Variants in ARHGEF10 observed in about 807,000 individuals in gnomAD.
ARHGEF10 encodes Rho guanine nucleotide exchange factor 10, also known as Rho guanine nucleotide exchange factor (GEF) 10.
Under a neutral mutation model 147.4 loss-of-function variants are expected in ARHGEF10, and 140 were observed. The observed-to-expected ratio is 0.95, with a 90% CI of 0.83 to 1.09. The LOEUF is 1.09. Ranked by LOEUF, ARHGEF10 falls within the 50% of genes least tolerant of loss-of-function variation. The pLI, the probability that ARHGEF10 is intolerant of heterozygous loss-of-function variation, is 0.00. For missense variants in ARHGEF10, 2,222 were observed against 1,752.7 expected, an observed-to-expected ratio of 1.27 and a Z score of -4.78; for synonymous variants, 902 against 695.8, an observed-to-expected ratio of 1.30 and a Z score of -4.67.
chr8:1,920,757 A>C (rs1488973710), intron 18 of ARHGEF10, among the ~76,000 whole-genome samples: 1 of 151,594 alleles, frequency 6.6e-6, no homozygotes, highest in African/African-American at 2.4e-5. Context: ...GCGATGTGTA[A>C]CTACTGGATC....
intron 2 of ARHGEF10, among the ~76,000 whole-genome samples, chr8:1,847,024 G>A (rs959278647): frequency 6.6e-6 from 1 of 152,216 alleles, no homozygotes; most frequent in African/African-American, 2.4e-5. Flanking sequence ...GTGTGTTCCA[G>A]TGGAATCATT....
chr8:1,903,452 G>C lies in ARHGEF10; in HGVS notation c.1821+1G>C. On this transcript the variant is annotated splice_donor_variant, in intron 16 of 28. Coordinates refer to ENST00000349830, the MANE Select transcript of ARHGEF10 (RefSeq NM_014629.4). LOFTEE classifies it high-confidence loss of function. ...CATAAACGAAAGATACCTGAACAAG[G>C]TTGAGAGAGGTTTTCTTCAACTCTA... The C allele has an allele frequency of 6.2e-7, 1 of 1,614,044 alleles. No homozygotes were observed. Among genetic ancestry groups the C allele is most frequent in the Non-Finnish European group, 8.5e-7 (1 of 1,180,050 alleles).
chr8:1,872,202 A>T (rs146037116), intron 7 of ARHGEF10, among the ~76,000 whole-genome samples: 77 of 152,354 alleles, frequency 5.1e-4, no homozygotes, highest in African/African-American at 1.7e-3. Context: ...AATTGCCTTG[A>T]AGAATCAACT....
rs1256767943 is a variant in ARHGEF10 at position 1,905,651 on chromosome 8, T to G, written c.1902T>G (p.Val634=). Residue 634 remains valine, a synonymous_variant, in exon 17 of 29, where the codon GTT becomes GTG. Transcript: ENST00000349830. ...TTTACAACGACAGAGGAGAGATTGTTAAAACCAAAGAACGCCGAGTCTTCA... is the reference window on the plus strand; with the variant it reads ...TTTACAACGACAGAGGAGAGATTGTGAAAACCAAAGAACGCCGAGTCTTCA... The part of the protein sequence containing the change: ...ETVYNDRGEI[V]KTKERRVFML... 6.2e-7 allele frequency: 1 copy of G among 1,614,116 alleles called. No individual in the cohort carries two copies.
At chr8:1,899,733 G>A (rs1664477506) in intron 15 of ARHGEF10, among the ~76,000 whole-genome samples, 1 of 152,180 alleles carries the variant, frequency 6.6e-6, no homozygotes. Context: ...TTCAAAGTGT[G>A]TTTTATTTCT....
Position 1,860,015 on chromosome 8 carries a change from G to A in ARHGEF10, c.312G>A (p.Gln104=). 1 of 1,614,138 alleles carries A rather than the reference G, an allele frequency of 6.2e-7. No individual in the cohort carries two copies. Among genetic ancestry groups the A allele is most frequent in the South Asian group, 1.1e-5 (1 of 91,086 alleles). ...VIDITPFQED[Q]PPTPVPSAEE... is the part of the protein sequence containing the mutation. The stretch of plus-strand genomic sequence containing the variant: ...ACATCACGCCATTCCAGGAGGACCA[G>A]CCGCCCACCCCCGTGCCCAGCGCTG... Residue 104 remains glutamine (Q), a synonymous_variant, in exon 4 of 29, where the codon CAG becomes CAA. Transcript: ENST00000349830.
In ARHGEF10 at chr8:1,928,524, T is replaced by C; in HGVS notation, c.2795T>C (p.Ile932Thr). 1 of 1,614,220 alleles carries C rather than the reference T, an allele frequency of 6.2e-7. No individual in the cohort carries two copies. The highest frequency in any genetic ancestry group is 8.5e-7 in the Non-Finnish European group (1 of 1,180,038). ...VIECFNVESRILCMLYVPVEE... is the reference protein window; with the variant it reads ...VIECFNVESRTLCMLYVPVEE... ...GAGTGCTTCAACGTGGAATCTCGCA[T>C]CCTGTGCATGCTGTACGTTCCCGTC... The change falls in exon 24 of 29, where the codon ATC (isoleucine) becomes ACC (threonine). Residue 932 changes from isoleucine (I) to threonine (T), a missense_variant. Ile to Thr is a moderately conservative substitution (Grantham distance 89). Transcript: ENST00000349830.
intron 26 of ARHGEF10, among the ~76,000 whole-genome samples, chr8:1,939,945 G>A (rs1813946058): frequency 6.6e-6 from 1 of 152,220 alleles, no homozygotes; most frequent in Non-Finnish European, 1.5e-5. Context: ...AGACGGTGCT[G>A]AGCCATTGAA....
intron 15 of ARHGEF10, among the ~76,000 whole-genome samples, chr8:1,900,077 GA>G (rs1270251236): frequency 2.0e-5 from 3 of 152,198 alleles, no homozygotes; most frequent in Non-Finnish European, 4.4e-5. Context: ...TGATTTATCA[GA>G]ATACTTTCTA....
intron 18 of ARHGEF10, among the ~76,000 whole-genome samples, chr8:1,918,158 C>G (rs769023170): frequency 2.2e-4 from 34 of 152,168 alleles, no homozygotes; most frequent in Admixed American, 4.6e-4. Context: ...CTGAGAATCA[C>G]ATTTGAAAAG....
intron 1 of ARHGEF10, among the ~76,000 whole-genome samples, chr8:1,826,956 T>C (rs1191062850): frequency 6.6e-6 from 1 of 152,228 alleles, no homozygotes; most frequent in African/African-American, 2.4e-5. Flanking sequence ...AGTGTAATTT[T>C]GGAAGGTTCT....
intron 1 of ARHGEF10, among the ~76,000 whole-genome samples, chr8:1,830,160 C>T (rs1490314359): frequency 6.6e-6 from 1 of 152,202 alleles, no homozygotes; most frequent in Non-Finnish European, 1.5e-5. Flanking sequence ...GAGTATCAGA[C>T]GAAGGCAGGG....
At chr8:1,950,119 C>A (rs915188934) in intron 27 of ARHGEF10, among the ~76,000 whole-genome samples, 1 of 152,180 alleles carries the variant, frequency 6.6e-6, no homozygotes, top group Admixed American at 6.5e-5. Context: ...AACCCATTTA[C>A]CAACCTCACT....
At chr8:1,910,677 A>T (rs775714219) in intron 18 of ARHGEF10, among the ~76,000 whole-genome samples, 6 of 152,340 alleles carry the variant, frequency 3.9e-5, no homozygotes, top group Middle Eastern at 3.4e-3. Flanking sequence ...TTAACATTTT[A>T]TTCAAGAGCA....
chr8:1,828,910 A>G (rs1451450669), intron 1 of ARHGEF10, among the ~76,000 whole-genome samples: 1 of 152,062 alleles, frequency 6.6e-6, no homozygotes, highest in African/African-American at 2.4e-5. Flanking sequence ...TTCTGAAAGG[A>G]AAATAAAGCA....
chr8:1,883,605 C>T (rs561023267), intron 10 of ARHGEF10, among the ~76,000 whole-genome samples: 5 of 152,288 alleles, frequency 3.3e-5, no homozygotes, highest in African/African-American at 1.2e-4. Flanking sequence ...CCTAATGAAG[C>T]CCTCGGCATC....
At chr8:1,878,391 T>C (rs1360259867) in intron 8 of ARHGEF10, among the ~76,000 whole-genome samples, 1 of 152,134 alleles carries the variant, frequency 6.6e-6, no homozygotes, top group East Asian at 1.9e-4. Flanking sequence ...TTCACCATAT[T>C]GGCCAGGCTG....
At chr8:1,916,863 G>A (rs902335133) in intron 18 of ARHGEF10, among the ~76,000 whole-genome samples, 3 of 152,222 alleles carry the variant, frequency 2.0e-5, no homozygotes, top group African/African-American at 7.2e-5. Context: ...TCTGGAGACT[G>A]TATTAACACA....
In ARHGEF10 at chr8:1,858,092, C is replaced by A. The variant is rs1191058925; in HGVS notation, c.170C>A (p.Ala57Asp). The A allele has an allele frequency of 1.9e-6, 3 of 1,589,636 alleles. No individual in the cohort carries two copies. Among genetic ancestry groups the A allele is most frequent in the Non-Finnish European group, 2.6e-6 (3 of 1,168,760 alleles). Reference sequence around the variant, plus strand: ...GCCCCTGAGACAGGAGGTGCTGGAGCCAGTGAAGCCCCTGCACCCACAGGT... The same window carrying A: ...GCCCCTGAGACAGGAGGTGCTGGAGACAGTGAAGCCCCTGCACCCACAGGT... ...PSAPETGGAG[A>D]SEAPAPTGGE... Residue 57 changes from alanine to aspartate, a missense_variant, in exon 3 of 29, where the codon GCC becomes GAC. By Grantham distance (126) the Ala-to-Asp change is moderately radical (BLOSUM62 -2). Transcript: ENST00000349830.
Sources: allele counts gnomAD v4.1 joint callset (sites outside exome capture counted in the v4.1 genomes callset), GRCh38; gene constraint gnomAD v4.1.1; transcripts MANE v1.5; gene names NCBI Gene and HGNC (gene_info 2026-07-23, HGNC 2026-07-21).